Variants in ITFG1 observed in about 807,000 individuals in gnomAD.
ITFG1 encodes integrin alpha FG-GAP repeat containing 1.
A neutral mutation model predicts 81.8 loss-of-function variants in ITFG1; 34 were observed. The ratio of observed to expected loss-of-function variants is 0.42; its 90% confidence interval spans 0.32 to 0.55. The LOEUF (loss-of-function observed/expected upper bound fraction) is 0.55. Among genes scored for constraint, ITFG1 ranks in the 20% least tolerant of loss-of-function variants. The pLI, the probability that ITFG1 is intolerant of heterozygous loss-of-function variation, is 0.17. For synonymous variants in ITFG1, 285 were observed against 270.6 expected, an observed-to-expected ratio of 1.05 and a Z score of -0.52; for missense variants, 672 against 755.4, an observed-to-expected ratio of 0.89 and a Z score of 1.29.
intron 8 of ITFG1, among the ~76,000 whole-genome samples, chr16:47,349,930 G>T (rs1223222826): frequency 6.6e-6 from 1 of 152,176 alleles, no homozygotes; most frequent in Non-Finnish European, 1.5e-5. Context: ...TCAACTACAT[G>T]GAAACTGAAC....
Position 47,260,566 on chromosome 16 carries a change from G to A in ITFG1, c.1200C>T (p.Thr400=). ...LNQIKDAMVA[T]FFDIYEDGIL... ...TCACATCTTCGTAAATGTCAAAGAAGGTGGCAACCATGGCATCCTTAATTT... is the reference window on the plus strand; with the variant it reads ...TCACATCTTCGTAAATGTCAAAGAAAGTGGCAACCATGGCATCCTTAATTT... Residue 400 remains threonine, a synonymous_variant, in exon 11 of 18, where the codon ACC becomes ACT. Coordinates refer to ENST00000320640, the MANE Select transcript of ITFG1 (RefSeq NM_030790.5). 6.2e-7 allele frequency: 1 copy of A among 1,614,116 alleles called. No homozygotes were observed. Among genetic ancestry groups the A allele is most frequent in the Non-Finnish European group, 8.5e-7 (1 of 1,180,002 alleles).
At chr16:47,314,365 G>C (rs1157257559) in intron 8 of ITFG1, among the ~76,000 whole-genome samples, 4 of 152,038 alleles carry the variant, frequency 2.6e-5, no homozygotes, top group Non-Finnish European at 5.9e-5. Context: ...TATTTTAAAC[G>C]TGAGACTCTT....
chr16:47,183,396 G>A (rs1481535973), intron 14 of ITFG1, among the ~76,000 whole-genome samples: 1 of 152,186 alleles, frequency 6.6e-6, no homozygotes. Context: ...CAGCTTTGAA[G>A]AGAGCAGTGG....
chr16:47,324,529 G>C (rs971476529), intron 8 of ITFG1, among the ~76,000 whole-genome samples: 6 of 152,144 alleles, frequency 3.9e-5, no homozygotes, highest in Admixed American at 2.0e-4. Context: ...CCAATTAAAA[G>C]GCACGGACTG....
chr16:47,290,203 T>A (rs1225041329), intron 10 of ITFG1, among the ~76,000 whole-genome samples: 3 of 152,190 alleles, frequency 2.0e-5, no homozygotes, highest in Admixed American at 1.3e-4. Context: ...AATTTTAATT[T>A]AAAAAAATTT....
At chr16:47,307,112 AAAAAAAAAAAAC>A in intron 10 of ITFG1, among the ~76,000 whole-genome samples, 2 of 147,608 alleles carry the variant, frequency 1.4e-5, no homozygotes. Flanking sequence ...AAAAAAAAAA[AAAAAAAAAAAAC>A]GGAGAAAGAA....
At chr16:47,240,370 A>T (rs1596828367) in intron 12 of ITFG1, among the ~76,000 whole-genome samples, 1 of 151,674 alleles carries the variant, frequency 6.6e-6, no homozygotes, top group African/African-American at 2.4e-5. Context: ...GGAAAAAAAT[A>T]AAGTTAGAGT....
chr16:47,300,062 A>C (rs1158596569), intron 10 of ITFG1: 1 of 152,150 alleles, frequency 6.6e-6, no homozygotes, highest in Non-Finnish European at 1.5e-5. Flanking sequence ...CCTAAGTTAG[A>C]TTCAGGACTT....
At chr16:47,278,886 G>T (rs559555118) in intron 10 of ITFG1, among the ~76,000 whole-genome samples, 1 of 152,256 alleles carries the variant, frequency 6.6e-6, no homozygotes, top group East Asian at 1.9e-4. Flanking sequence ...TTAAGCAATG[G>T]TGAATACTTA....
chr16:47,421,269 T>TGC (rs987388765), intron 6 of ITFG1, among the ~76,000 whole-genome samples: 16 of 129,608 alleles, frequency 1.2e-4, no homozygotes, highest in South Asian at 9.3e-4. Context: ...TACATACATA[T>TGC]GCACACACAC....
chr16:47,358,242 T>C (rs1968065769), intron 8 of ITFG1, among the ~76,000 whole-genome samples: 1 of 152,084 alleles, frequency 6.6e-6, no homozygotes, highest in African/African-American at 2.4e-5. Flanking sequence ...AGGAGCAGAG[T>C]AGGCTAAGGG....
At chr16:47,271,719 C>T (rs1283192955) in intron 10 of ITFG1, among the ~76,000 whole-genome samples, 3 of 152,036 alleles carry the variant, frequency 2.0e-5, no homozygotes, top group Non-Finnish European at 4.4e-5. Context: ...ATTAGCTGGG[C>T]GTGGTGGTGG....
intron 6 of ITFG1, among the ~76,000 whole-genome samples, chr16:47,406,876 T>C (rs1308201328): frequency 1.3e-5 from 2 of 152,112 alleles, no homozygotes; most frequent in African/African-American, 4.8e-5. Context: ...AGGGAGGTGA[T>C]CTGGATATCC....
At chr16:47,441,492 G>A (rs1370833926) in intron 5 of ITFG1, among the ~76,000 whole-genome samples, 2 of 152,034 alleles carry the variant, frequency 1.3e-5, no homozygotes, top group Non-Finnish European at 2.9e-5. Flanking sequence ...TGATCACGTG[G>A]GCTTCATCCC....
chr16:47,290,396 T>C (rs778601764), intron 10 of ITFG1, among the ~76,000 whole-genome samples: 1 of 152,202 alleles, frequency 6.6e-6, no homozygotes, highest in Non-Finnish European at 1.5e-5. Flanking sequence ...TATCTAATGC[T>C]GAGAGTGGTT....
At chr16:47,229,696 G>A (rs1965794795) in intron 13 of ITFG1, among the ~76,000 whole-genome samples, 1 of 152,054 alleles carries the variant, frequency 6.6e-6, no homozygotes, top group Admixed American at 6.5e-5. Flanking sequence ...TGGGAGACAA[G>A]GGAAAGGAAA....
At chr16:47,399,434 G>A (rs902494743) in intron 6 of ITFG1, among the ~76,000 whole-genome samples, 47 of 152,166 alleles carry the variant, frequency 3.1e-4, no homozygotes, top group African/African-American at 1.0e-3. Context: ...TTAGCCGGGC[G>A]TGTTGGCGGG....
chr16:47,316,358 T>C (rs934506904), intron 8 of ITFG1, among the ~76,000 whole-genome samples: 14 of 152,244 alleles, frequency 9.2e-5, no homozygotes, highest in Non-Finnish European at 2.1e-4. Context: ...TACAAAATTA[T>C]TTGTGTTCTT....
chr16:47,199,345 T>C (rs1475303048), intron 14 of ITFG1, among the ~76,000 whole-genome samples: 1 of 152,144 alleles, frequency 6.6e-6, no homozygotes. Flanking sequence ...GTATAAAATA[T>C]ACAATAGTGC....
Sources: allele counts gnomAD v4.1 joint callset (sites outside exome capture counted in the v4.1 genomes callset), GRCh38; gene constraint gnomAD v4.1.1; transcripts MANE v1.5; gene names NCBI Gene and HGNC (gene_info 2026-07-23, HGNC 2026-07-21).